Variants in PPP2R5E observed in about 807,000 individuals in gnomAD.
PPP2R5E encodes the protein protein phosphatase 2 regulatory subunit B'epsilon, also known as serine/threonine-protein phosphatase 2A 56 kDa regulatory subunit epsilon isoform.
PPP2R5E carries 4 observed loss-of-function variants against 65.3 expected under a neutral mutation model. That is an observed-to-expected ratio of 0.06 (90% CI 0.03 to 0.14). The LOEUF (loss-of-function observed/expected upper bound fraction) is 0.14, where lower values mean the gene tolerates loss of function less well. PPP2R5E is among the 10% of genes least tolerant of loss of function. The pLI is 1.00. For missense variants in PPP2R5E, 274 were observed against 556.1 expected, an observed-to-expected ratio of 0.49 and a Z score of 5.10; for synonymous variants, 183 against 187.4, an observed-to-expected ratio of 0.98 and a Z score of 0.19.
Position 63,400,165 on chromosome 14 carries a change from T to C in PPP2R5E, c.550-3449A>G, listed in dbSNP as rs139277528. On this transcript the variant is annotated intron_variant, in intron 5 of 13. Transcript: ENST00000337537. Reference sequence around the variant, plus strand: ...GTATTTCAAGTAAATATTTATGGTGTGCTTATTAAAAGCCAGCCAGTGGGC... The same window carrying C: ...GTATTTCAAGTAAATATTTATGGTGCGCTTATTAAAAGCCAGCCAGTGGGC... 7.2e-4 allele frequency among the ~76,000 whole-genome samples: 109 copies of C among 152,336 alleles called. 2 individuals carry two copies. The East Asian group carries it at 0.012, about 17-fold the overall frequency.
intron 2 of PPP2R5E, among the ~76,000 whole-genome samples, 181 bp from the exon 3 acceptor site, chr14:63,454,066 G>C (rs1392997076): frequency 6.6e-6 from 1 of 152,172 alleles, no homozygotes; most frequent in African/African-American, 2.4e-5. Context: ...CAGAGACCTT[G>C]TCTTTGAAAA....
chr14:63,532,891 G>A (rs1359486844), intron 2 of PPP2R5E, among the ~76,000 whole-genome samples: 1 of 152,194 alleles, frequency 6.6e-6, no homozygotes, highest in South Asian at 2.1e-4. Context: ...CTCAAGTGCA[G>A]TGGCACAATC....
intron 2 of PPP2R5E, among the ~76,000 whole-genome samples, chr14:63,463,108 A>C (rs1254432326): frequency 6.8e-6 from 1 of 147,358 alleles, no homozygotes; most frequent in Admixed American, 6.7e-5. Context: ...ATCTCAAAAA[A>C]AAAAAAAAAA....
intron 2 of PPP2R5E, among the ~76,000 whole-genome samples, chr14:63,459,504 C>T (rs905093951): frequency 6.6e-6 from 1 of 152,130 alleles, no homozygotes; most frequent in Non-Finnish European, 1.5e-5. Flanking sequence ...CCAAATATAA[C>T]ATGTTGATTA....
chr14:63,414,030 A>T (rs752392040), intron 5 of PPP2R5E, among the ~76,000 whole-genome samples: 16 of 152,170 alleles, frequency 1.1e-4, no homozygotes, highest in Non-Finnish European at 1.6e-4. Context: ...AATTCCACTT[A>T]GCCTTACTTA....
intron 2 of PPP2R5E, among the ~76,000 whole-genome samples, chr14:63,458,065 G>T (rs935154887): frequency 2.0e-5 from 3 of 152,126 alleles, no homozygotes; most frequent in African/African-American, 7.2e-5. Flanking sequence ...TACCTCCAAG[G>T]TGTTCATTAC....
intron 2 of PPP2R5E, among the ~76,000 whole-genome samples, chr14:63,488,954 G>A (rs913186016): frequency 6.6e-6 from 1 of 151,776 alleles, no homozygotes; most frequent in Non-Finnish European, 1.5e-5. Context: ...CCAACTACAT[G>A]ACCAAAAAGA....
intron 12 of PPP2R5E, 21 bp from the exon 13 acceptor site, chr14:63,382,178 GGAGT>G (rs1250049399): frequency 6.3e-7 from 1 of 1,589,130 alleles, no homozygotes; most frequent in South Asian, 1.1e-5. Context: ...CAGAAAAAAA[GGAGT>G]GTGTTAGTTA....
intron 2 of PPP2R5E, among the ~76,000 whole-genome samples, chr14:63,478,697 A>G (rs866090183): frequency 1.8e-4 from 28 of 152,148 alleles, no homozygotes; most frequent in African/African-American, 6.5e-4. Flanking sequence ...TCCCCAAAGC[A>G]TGCTCTGAGA....
chr14:63,449,878 T>C (rs1888714240), intron 3 of PPP2R5E, among the ~76,000 whole-genome samples: 1 of 146,622 alleles, frequency 6.8e-6, no homozygotes, highest in Non-Finnish European at 1.5e-5. Context: ...TCCTATTTTT[T>C]TTTTTTTTTT....
intron 2 of PPP2R5E, among the ~76,000 whole-genome samples, chr14:63,467,925 T>A (rs1359953813): frequency 6.6e-6 from 1 of 152,218 alleles, no homozygotes; most frequent in Non-Finnish European, 1.5e-5. Context: ...ACTTCCTAGC[T>A]GGAAAAGCTT....
chr14:63,461,794 C>T (rs185026200), intron 2 of PPP2R5E, among the ~76,000 whole-genome samples: 2 of 151,722 alleles, frequency 1.3e-5, no homozygotes, highest in East Asian at 1.9e-4. Flanking sequence ...GACCTTGTCT[C>T]AAAAAGATAT....
chr14:63,448,555 C>G (rs1341750091), intron 3 of PPP2R5E, among the ~76,000 whole-genome samples: 1 of 152,076 alleles, frequency 6.6e-6, no homozygotes, highest in Admixed American at 6.5e-5. Flanking sequence ...CTTTGGGAGG[C>G]TGAGGTGGGT....
At chr14:63,479,160 C>T (rs1022901792) in intron 2 of PPP2R5E, 1 of 152,038 alleles carries the variant, frequency 6.6e-6, no homozygotes, top group Non-Finnish European at 1.5e-5. Context: ...TCATTAAGAA[C>T]AATACCTATC....
In PPP2R5E at chr14:63,526,199, A is replaced by C. The variant is rs577710891; in HGVS notation, c.157+13330T>G. Among the ~76,000 whole-genome samples the C allele has an allele frequency of 7.2e-5, 11 of 152,270 alleles. 2 individuals carry two copies. The highest frequency in any genetic ancestry group is 2.6e-4 in the African/African-American group (11 of 41,572). On this transcript the variant is annotated intron_variant, in intron 2 of 13. Coordinates refer to ENST00000337537, the MANE Select transcript of PPP2R5E (RefSeq NM_006246.5). ...CGCTGGTTCAAAATAAAATGCTGCA[A>C]AACTAACATGGCTCAAAACCCAAAG...
intron 2 of PPP2R5E, among the ~76,000 whole-genome samples, chr14:63,462,008 C>T (rs1315310942): frequency 6.6e-6 from 1 of 152,038 alleles, no homozygotes; most frequent in Non-Finnish European, 1.5e-5. Flanking sequence ...TCCTTTCTTC[C>T]AATACTTTTC....
chr14:63,380,545 C>T (rs898060873), intron 13 of PPP2R5E, among the ~76,000 whole-genome samples: 2 of 151,926 alleles, frequency 1.3e-5, no homozygotes, highest in Non-Finnish European at 2.9e-5. Context: ...GCTTGTAGTC[C>T]CAGCTACTTA....
chr14:63,518,937 G>C (rs541878855), intron 2 of PPP2R5E, among the ~76,000 whole-genome samples: 113 of 152,258 alleles, frequency 7.4e-4, no homozygotes, highest in African/African-American at 2.6e-3. Flanking sequence ...AAATAAAAGA[G>C]GCCGGGCGCA....
At chr14:63,485,471 A>G (rs182033301) in intron 2 of PPP2R5E, among the ~76,000 whole-genome samples, 8 of 152,122 alleles carry the variant, frequency 5.3e-5, no homozygotes, top group South Asian at 4.2e-4. Context: ...CTGGAGTGCA[A>G]CAGCACGATC....
Sources: allele counts gnomAD v4.1 joint callset (sites outside exome capture counted in the v4.1 genomes callset), GRCh38; gene constraint gnomAD v4.1.1; transcripts MANE v1.5; gene names NCBI Gene and HGNC (gene_info 2026-07-23, HGNC 2026-07-21).